TRAPPC9: variants seen among roughly 807,000 people sequenced by gnomAD.
TRAPPC9 encodes the protein trafficking protein particle complex subunit 9, also known as IKK2 binding protein.
TRAPPC9 carries 83 observed loss-of-function variants against 124.0 expected under a neutral mutation model. The ratio of observed to expected loss-of-function variants is 0.67; its 90% confidence interval spans 0.56 to 0.80. The LOEUF (loss-of-function observed/expected upper bound fraction) is 0.80, where lower values mean the gene tolerates loss of function less well. Ranked by LOEUF, TRAPPC9 falls within the 30% of genes least tolerant of loss-of-function variation. The probability of loss-of-function intolerance (pLI) is 0.00; values close to 1 mark genes in which losing one functional copy is unlikely to be tolerated. For synonymous variants in TRAPPC9, 638 were observed against 617.5 expected, an observed-to-expected ratio of 1.03 and a Z score of -0.49; for missense variants, 1,302 against 1,508.3, an observed-to-expected ratio of 0.86 and a Z score of 2.27.
chr8:139,809,553 G>C (rs1310546301), intron 21 of TRAPPC9, among the ~76,000 whole-genome samples: 6 of 152,324 alleles, frequency 3.9e-5, no homozygotes, highest in Non-Finnish European at 7.4e-5. Context: ...CTGTCCCACA[G>C]CAGGGCCTTT....
At chr8:140,081,346 C>CATT (rs35254769) in intron 17 of TRAPPC9, among the ~76,000 whole-genome samples, 3,241 of 141,042 alleles carry the variant, frequency 0.023, 122 homozygotes, top group Middle Eastern at 0.037. Context: ...AAAATGAATG[C>CATT]TTTTTTTTTT....
chr8:140,373,515 T>C (rs1434892386), intron 7 of TRAPPC9, among the ~76,000 whole-genome samples: 2 of 152,224 alleles, frequency 1.3e-5, no homozygotes, highest in African/African-American at 4.8e-5. Context: ...CTGGACTCCA[T>C]AATGTCCTTT....
chr8:140,242,136 CAG>C (rs36214777), intron 16 of TRAPPC9, among the ~76,000 whole-genome samples: 16,193 of 145,198 alleles, frequency 0.11, 1,052 homozygotes, highest in African/African-American at 0.21. Context: ...AAGAGGCAGA[CAG>C]AGAGAGAGAG....
In TRAPPC9 at chr8:140,323,898, T is replaced by A. The variant is rs540125704; in HGVS notation, c.1496-12524A>T. Among the ~76,000 whole-genome samples, 83 of 30,314 alleles carry A rather than the reference T, an allele frequency of 2.7e-3. No individual in the cohort carries two copies. The East Asian group carries it at 0.071, about 26-fold the overall frequency. The allele number at this position is 30,314 out of a possible 152,430, so 19.9% of individuals were successfully genotyped here. The stretch of plus-strand genomic sequence containing the variant: ...AAACAAACTTTTTTAAAAAATATAT[T>A]TTTTTTTATTTGCATAGGTTTTCGG... On this transcript the variant is annotated intron_variant, in intron 9 of 22. Transcript: ENST00000438773.
At chr8:140,141,744 T>C (rs1197049802) in intron 17 of TRAPPC9, among the ~76,000 whole-genome samples, 10 of 152,178 alleles carry the variant, frequency 6.6e-5, no homozygotes. Context: ...AGGGACTGGT[T>C]AGTCCATATT....
chr8:139,956,201 G>T (rs939737805), intron 19 of TRAPPC9, among the ~76,000 whole-genome samples: 2 of 151,456 alleles, frequency 1.3e-5, no homozygotes, highest in Non-Finnish European at 2.9e-5. Context: ...TCACACTGTC[G>T]CCTGGGCTGG....
intron 18 of TRAPPC9, among the ~76,000 whole-genome samples, chr8:140,009,493 A>G (rs1401921227): frequency 1.3e-5 from 2 of 152,088 alleles, no homozygotes; most frequent in Non-Finnish European, 1.5e-5. Flanking sequence ...TCCCCCTACC[A>G]TCTTCCCCTT....
At chr8:139,995,635 T>C (rs1187901786) in intron 18 of TRAPPC9, among the ~76,000 whole-genome samples, 1 of 152,046 alleles carries the variant, frequency 6.6e-6, no homozygotes, top group Non-Finnish European at 1.5e-5. Flanking sequence ...TGGGAAGATT[T>C]CAGAAAGGAG....
chr8:140,236,613 T>C lies in TRAPPC9; in HGVS notation c.2432-15030A>G, dbSNP rs1327697430. On this transcript the variant is annotated intron_variant, in intron 16 of 22. Coordinates refer to ENST00000438773, the MANE Select transcript of TRAPPC9 (RefSeq NM_001160372.4). ...ATTTGTGTTCATTACTGTATGTAAG[T>C]TACACTTCCATAAAAAAAGACTTCA... Among the ~76,000 whole-genome samples, 6 of 152,264 alleles carry C rather than the reference T, an allele frequency of 3.9e-5. No homozygotes were observed. In the East Asian group the frequency reaches 9.6e-4, roughly 24 times the overall value.
intron 17 of TRAPPC9, among the ~76,000 whole-genome samples, chr8:140,212,450 T>A (rs2063081620): frequency 6.6e-6 from 1 of 152,202 alleles, no homozygotes; most frequent in Non-Finnish European, 1.5e-5. Context: ...CCCCAGTCCG[T>A]CAATATTTTA....
intron 9 of TRAPPC9, among the ~76,000 whole-genome samples, chr8:140,343,214 G>A (rs953182039): frequency 3.9e-5 from 6 of 152,238 alleles, no homozygotes; most frequent in Non-Finnish European, 5.9e-5. Flanking sequence ...AGGAAATGGA[G>A]GGGTGGCTCT....
In TRAPPC9 at chr8:140,380,803, G is replaced by A. The variant is rs117865534; in HGVS notation, c.1135-9623C>T. 1.8e-3 allele frequency among the ~76,000 whole-genome samples: 280 copies of A among 151,878 alleles called. 4 individuals carry two copies. In the East Asian group the frequency reaches 0.044, roughly 24 times the overall value. On this transcript the variant is annotated intron_variant, in intron 7 of 22. Coordinates refer to ENST00000438773, the MANE Select transcript of TRAPPC9 (RefSeq NM_001160372.4). ...GAAAACAAGAAATCTTAATGACCTC[G>A]GGTTAGCAATCTTTTAAATATATAA...
chr8:140,274,082 C>A (rs1401235224), intron 15 of TRAPPC9, among the ~76,000 whole-genome samples: 1 of 152,140 alleles, frequency 6.6e-6, no homozygotes, highest in Non-Finnish European at 1.5e-5. Flanking sequence ...TCCTCAGGGA[C>A]AAGGGAGCAA....
At chr8:139,736,966 T>G (rs1586731014) in intron 21 of TRAPPC9, among the ~76,000 whole-genome samples, 1 of 152,196 alleles carries the variant, frequency 6.6e-6, no homozygotes, top group East Asian at 1.9e-4. Flanking sequence ...CACCGTCCAT[T>G]ACAAGATGGC....
At chr8:139,970,941 C>T (rs542640950) in intron 19 of TRAPPC9, among the ~76,000 whole-genome samples, 3 of 152,138 alleles carry the variant, frequency 2.0e-5, no homozygotes, top group South Asian at 4.2e-4. Context: ...CTGCCCTCCC[C>T]GAGTGAGTGA....
At chr8:140,366,963 G>C (rs2068130881) in intron 8 of TRAPPC9, among the ~76,000 whole-genome samples, 2 of 152,116 alleles carry the variant, frequency 1.3e-5, no homozygotes, top group African/African-American at 4.8e-5. Context: ...TGGCAAATAA[G>C]CATAAGAAAA....
At chr8:140,387,030 G>C (rs1016377581) in intron 7 of TRAPPC9, among the ~76,000 whole-genome samples, 1 of 152,128 alleles carries the variant, frequency 6.6e-6, no homozygotes, top group Non-Finnish European at 1.5e-5. Flanking sequence ...ACAACCATCT[G>C]ATTTTTTACA....
At chr8:140,276,110 C>T (rs890446570) in intron 14 of TRAPPC9, among the ~76,000 whole-genome samples, 1 of 152,144 alleles carries the variant, frequency 6.6e-6, no homozygotes, top group African/African-American at 2.4e-5. Flanking sequence ...CATAAAAATA[C>T]TTAATTACTA....
intron 21 of TRAPPC9, among the ~76,000 whole-genome samples, chr8:139,867,759 A>G (rs991833926): frequency 6.6e-6 from 1 of 152,222 alleles, no homozygotes; most frequent in Non-Finnish European, 1.5e-5. Flanking sequence ...GTAATATCTT[A>G]AAGTGTCAAG....
Sources: gnomAD v4.1 joint callset for allele counts (sites outside exome capture counted in the v4.1 genomes callset) on GRCh38, gnomAD v4.1.1 for gene constraint, MANE v1.5 for transcripts, NCBI Gene and HGNC (gene_info 2026-07-23, HGNC 2026-07-21) for gene names.